Variants in TUFT1 observed in about 807,000 individuals in gnomAD.
The protein encoded by TUFT1 is tuftelin.
TUFT1 carries 43 observed loss-of-function variants against 57.8 expected under a neutral mutation model. The observed-to-expected ratio is 0.74, with a 90% confidence interval of 0.58 to 0.96. The LOEUF is 0.96. Ranked by LOEUF, TUFT1 falls within the 40% of genes least tolerant of loss-of-function variation. The pLI, the probability that TUFT1 is intolerant of heterozygous loss-of-function variation, is 0.00. For missense variants in TUFT1, 459 were observed against 489.0 expected, an observed-to-expected ratio of 0.94 and a Z score of 0.58; for synonymous variants, 166 against 176.7, an observed-to-expected ratio of 0.94 and a Z score of 0.48.
At chr1:151,552,800 T>C (rs1665553528) in intron 1 of TUFT1, among the ~76,000 whole-genome samples, 1 of 149,346 alleles carries the variant, frequency 6.7e-6, no homozygotes, top group African/African-American at 2.5e-5. Flanking sequence ...GACCCAAATA[T>C]ACAGAGGAAA....
chr1:151,576,032 T>A (rs967476156), intron 9 of TUFT1, among the ~76,000 whole-genome samples: 2 of 152,222 alleles, frequency 1.3e-5, no homozygotes, highest in African/African-American at 4.8e-5. Flanking sequence ...AAGGACTAGA[T>A]AATCGGAAGC....
chr1:151,540,335 A>G lies in TUFT1; in HGVS notation c.-32A>G, dbSNP rs376071648. On this transcript the variant is annotated 5_prime_UTR_variant, in exon 1 of 13. Coordinates refer to ENST00000368849, the MANE Select transcript of TUFT1 (RefSeq NM_020127.3). ...GTTGGAGCCAGACAGCGGGGTGGAC[A>G]AGTGGCGTGTGTGCTGCGACCCCGA... 7 of 1,613,808 alleles carry G rather than the reference A, an allele frequency of 4.3e-6. No homozygotes were observed. The highest frequency in any genetic ancestry group is 3.3e-5 in the Admixed American group (2 of 60,012).
At position 151,582,200 on chromosome 1, in the gene TUFT1, A is replaced by T. The variant is rs1474883537; in HGVS notation, c.*493A>T. The T allele has an allele frequency of 2.2e-6, 1 of 456,568 alleles. No homozygotes were observed. Among genetic ancestry groups the T allele is most frequent in the Non-Finnish European group, 4.4e-6 (1 of 227,130 alleles). The allele number at this position is 456,568 out of a possible 1,614,324, so 28.3% of individuals were successfully genotyped here. A position where few individuals can be genotyped will look rare whatever the true frequency, so the allele number is the denominator to read the frequency against. On this transcript the variant is annotated 3_prime_UTR_variant, in exon 13 of 13. Transcript: ENST00000368849. ...AACTGTTTGTTTTTCTACTTGCTCC[A>T]TCTGCAGCCTACGCTGCCCTGGCCT...
At position 151,566,185 on chromosome 1, in the gene TUFT1, G is replaced by C; in HGVS notation, c.437G>C (p.Gly146Ala). 6.2e-7 allele frequency: 1 copy of C among 1,611,206 alleles called. No homozygotes were observed. The highest frequency in any genetic ancestry group is 8.5e-7 in the Non-Finnish European group (1 of 1,178,938). The stretch of plus-strand genomic sequence containing the variant: ...CAGGTGGTGCTAGAAAAGCCAAATG[G>C]CTTTAGTCAGAGTCCCACAGCCCTG... ...EIQVVLEKPN[G>A]FSQSPTALYS... The change falls in exon 6 of 13, where the codon GGC becomes GCC. Residue 146 changes from glycine (G) to alanine (A), a missense_variant. Gly to Ala is a moderately conservative substitution (Grantham distance 60, BLOSUM62 0). Coordinates refer to ENST00000368849, the MANE Select transcript of TUFT1 (RefSeq NM_020127.3).
At chr1:151,579,515 C>A in intron 10 of TUFT1, 134 bp from the exon 11 acceptor site, 1 of 753,018 alleles carries the variant, frequency 1.3e-6, no homozygotes, top group Non-Finnish European at 2.2e-6. Context: ...TGAAAGGAGG[C>A]CTTTGTAGAA....
At chr1:151,581,587 G>A in intron 12 of TUFT1, 57 bp from the exon 13 acceptor site, 1 of 1,567,122 alleles carries the variant, frequency 6.4e-7, no homozygotes, top group African/African-American at 1.4e-5. Context: ...TCTGTGAAGG[G>A]TGGGCCACAA....
intron 1 of TUFT1, among the ~76,000 whole-genome samples, chr1:151,551,727 A>C (rs1261411347): frequency 6.6e-6 from 1 of 152,100 alleles, no homozygotes; most frequent in African/African-American, 2.4e-5. Context: ...TTGGGGATAG[A>C]GTGCAGGGTA....
In TUFT1 at chr1:151,574,253, C is replaced by T. The variant is rs374065345; in HGVS notation, c.595-17C>T. On this transcript the variant is annotated splice_polypyrimidine_tract_variant and intron_variant, in intron 7 of 12. Transcript: ENST00000368849. ...TTTTTTCCACACCATTTAACATATT[C>T]CTGCTCCGTGTTTTAGGTCACACTC... The T allele has an allele frequency of 2.5e-6, 4 of 1,610,944 alleles. No homozygotes were observed. Among genetic ancestry groups the T allele is most frequent in the African/African-American group, 1.3e-5 (1 of 74,730 alleles).
intron 7 of TUFT1, among the ~76,000 whole-genome samples, chr1:151,571,627 AC>A (rs1666253140): frequency 6.6e-6 from 1 of 152,112 alleles, no homozygotes; most frequent in Admixed American, 6.5e-5. Flanking sequence ...GCAGTTTCCT[AC>A]CTTTTCCAAA....
intron 2 of TUFT1, 37 bp from the exon 3 acceptor site, chr1:151,562,548 C>T (rs1429871148): frequency 7.3e-7 from 1 of 1,363,792 alleles, no homozygotes; most frequent in South Asian, 1.3e-5. Context: ...TGAGCCATCT[C>T]TCTCTCTCTC....
At chr1:151,549,159 G>A (rs1360027333) in intron 1 of TUFT1, among the ~76,000 whole-genome samples, 1 of 152,124 alleles carries the variant, frequency 6.6e-6, no homozygotes, top group African/African-American at 2.4e-5. Context: ...TTTTTCCCTA[G>A]AGAAGAAGGC....
At chr1:151,545,514 T>C (rs1665306238) in intron 1 of TUFT1, among the ~76,000 whole-genome samples, 1 of 152,180 alleles carries the variant, frequency 6.6e-6, no homozygotes, top group Admixed American at 6.5e-5. Context: ...ACACATAAAA[T>C]ATGAAGCACA....
intron 1 of TUFT1, among the ~76,000 whole-genome samples, chr1:151,549,519 C>G (rs555975701): frequency 3.1e-4 from 47 of 152,322 alleles, no homozygotes; most frequent in Non-Finnish European, 6.0e-4. Flanking sequence ...GAAAGTAATG[C>G]TGCTTCACCC....
intron 3 of TUFT1, among the ~76,000 whole-genome samples, chr1:151,563,232 C>G (rs1184245815): frequency 1.3e-5 from 2 of 151,972 alleles, no homozygotes; most frequent in Non-Finnish European, 2.9e-5. Context: ...TTATTTCTCT[C>G]TCTCTTTTTT....
At position 151,558,915 on chromosome 1, in the gene TUFT1, G is replaced by A. The variant is rs180701910; in HGVS notation, c.61-3176G>A. ...TTCTCCTGCCTCAGCCTCCCTAGTA[G>A]CTGGGATTACAGGTGCCTGCCACCA... On this transcript the variant is annotated intron_variant, in intron 1 of 12. Coordinates refer to ENST00000368849, the MANE Select transcript of TUFT1 (RefSeq NM_020127.3). Among the ~76,000 whole-genome samples the A allele has an allele frequency of 6.6e-4, 100 of 151,956 alleles. 1 individual carries two copies. The East Asian group carries it at 0.014, about 21-fold the overall frequency.
chr1:151,570,611 C>T (rs1467486334), intron 7 of TUFT1, among the ~76,000 whole-genome samples: 1 of 152,110 alleles, frequency 6.6e-6, no homozygotes, highest in Admixed American at 6.5e-5. Context: ...TGTTATAATA[C>T]AGAAATCTAT....
intron 3 of TUFT1, among the ~76,000 whole-genome samples, chr1:151,562,967 G>A (rs1337167669): frequency 6.6e-6 from 1 of 152,208 alleles, no homozygotes; most frequent in Non-Finnish European, 1.5e-5. Context: ...GCTGCTAGAG[G>A]TTGTGGAGAC....
In TUFT1 at chr1:151,557,427, G is replaced by GGCCCCTACA. The variant is rs1389693992; in HGVS notation, c.61-4660_61-4652dup. 171 of 1,072,574 alleles carry GGCCCCTACA rather than the reference G, an allele frequency of 1.6e-4. 4 individuals carry two copies. In the South Asian group the frequency reaches 2.2e-3, roughly 14 times the overall value. 66.4% of individuals were successfully genotyped at this position (1,072,574 alleles called of 1,614,324 possible). A position where few individuals can be genotyped will look rare whatever the true frequency, so the allele number is the denominator to read the frequency against. On this transcript the variant is annotated intron_variant, in intron 1 of 12. Coordinates refer to ENST00000368849, the MANE Select transcript of TUFT1 (RefSeq NM_020127.3). ...AGAGGGGCTTTCCAGCCCCAGCCCC[G>GGCCCCTACA]GCCCCTACAGCCACCGAGATGTTGA...
Position 151,546,326 on chromosome 1 carries a change from T to C in TUFT1, c.60+5900T>C, listed in dbSNP as rs145527349. Among the ~76,000 whole-genome samples, 287 of 152,376 alleles carry C rather than the reference T, an allele frequency of 1.9e-3. 1 individual carries two copies. The highest frequency in any genetic ancestry group is 3.3e-3 in the Non-Finnish European group (226 of 68,042). Reference sequence around the variant, plus strand: ...TTTATTTTTTAAATTAGAATTGTGATTTATTGAAGCCTTACCATGAGCTTC... The same window carrying C: ...TTTATTTTTTAAATTAGAATTGTGACTTATTGAAGCCTTACCATGAGCTTC... On this transcript the variant is annotated intron_variant, in intron 1 of 12. Transcript: ENST00000368849.
Sources: allele counts gnomAD v4.1 joint callset (sites outside exome capture counted in the v4.1 genomes callset), GRCh38; gene constraint gnomAD v4.1.1; transcripts MANE v1.5; gene names NCBI Gene and HGNC (gene_info 2026-07-23, HGNC 2026-07-21).